HDAC4: variants seen among roughly 807,000 people sequenced by gnomAD.
The protein encoded by HDAC4 is histone deacetylase 4.
In HDAC4, 16 loss-of-function variants were observed where a neutral mutation model predicts 135.1. That is an observed-to-expected ratio of 0.12 (90% CI 0.08 to 0.18). The LOEUF is 0.18. HDAC4 is among the 10% of genes least tolerant of loss of function. The probability of loss-of-function intolerance (pLI) is 1.00; values close to 1 mark genes in which losing one functional copy is unlikely to be tolerated. For missense variants in HDAC4, 1,143 were observed against 1,511.8 expected (o/e 0.76, Z 4.05); for synonymous variants, 685 against 653.4 (o/e 1.05, Z -0.74).
At chr2:239,096,572 C>A (rs1228983646) in intron 16 of HDAC4, among the ~76,000 whole-genome samples, 2 of 49,218 alleles carry the variant, frequency 4.1e-5, no homozygotes, top group Non-Finnish European at 8.8e-5. Context: ...ACGCCTACAC[C>A]CCCCACGAAC....
chr2:239,168,738 C>T (rs908049327), intron 5 of HDAC4, among the ~76,000 whole-genome samples: 23 of 152,330 alleles, frequency 1.5e-4, no homozygotes, highest in East Asian at 3.9e-4. Flanking sequence ...TAAGAGCCCC[C>T]GAGTGGCGTC....
intron 11 of HDAC4, among the ~76,000 whole-genome samples, 157 bp downstream of exon 11, chr2:239,134,088 C>T (rs2040780606): frequency 1.3e-5 from 2 of 152,120 alleles, no homozygotes; most frequent in South Asian, 2.1e-4. Context: ...ACTGCAGTCA[C>T]GGTGGCTACA....
In HDAC4 at chr2:239,125,298, T is replaced by C. The variant is rs181221014; in HGVS notation, c.1533+1158A>G. ...CTGGTGAGGTCTGGTCGGTTAGAAGTGTGTGGCCCCTCTCCCCACCCCTTG... is the reference window on the plus strand; with the variant it reads ...CTGGTGAGGTCTGGTCGGTTAGAAGCGTGTGGCCCCTCTCCCCACCCCTTG... On this transcript the variant is annotated intron_variant, in intron 12 of 26. Coordinates refer to ENST00000543185, the MANE Select transcript of HDAC4 (RefSeq NM_001378414.1). Among the ~76,000 whole-genome samples the C allele has an allele frequency of 6.2e-4, 95 of 152,270 alleles. 1 individual carries two copies. The highest frequency in any genetic ancestry group is 3.4e-3 in the Middle Eastern group (1 of 294).
chr2:239,072,858 T>C (rs2034337849), intron 22 of HDAC4, among the ~76,000 whole-genome samples: 1 of 152,126 alleles, frequency 6.6e-6, no homozygotes, highest in South Asian at 2.1e-4. Flanking sequence ...TTTCTGGTGG[T>C]GGAGGGACAC....
intron 22 of HDAC4, among the ~76,000 whole-genome samples, chr2:239,076,972 C>A (rs527400445): frequency 2.6e-5 from 4 of 152,156 alleles, no homozygotes; most frequent in Non-Finnish European, 5.9e-5. Context: ...TCCCCTCAAT[C>A]CCATCTCACT....
At chr2:239,215,245 G>A (rs1217221503) in intron 3 of HDAC4, among the ~76,000 whole-genome samples, 1 of 152,206 alleles carries the variant, frequency 6.6e-6, no homozygotes, top group Non-Finnish European at 1.5e-5. Context: ...GGCCGGGGCG[G>A]GGGAAGGTAC....
At chr2:239,116,239 T>C (rs2039123243) in intron 12 of HDAC4, among the ~76,000 whole-genome samples, 3 of 152,198 alleles carry the variant, frequency 2.0e-5, no homozygotes, top group Admixed American at 6.5e-5. Flanking sequence ...ACTCGCTCTT[T>C]ACCTCCAGAC....
rs1232685590 is a variant in HDAC4 at position 239,139,873 on chromosome 2, C to T, written c.866-77G>A. ...CGTGCTGACCTGTGGCCCGAATGCCCGGTGCCTTCCACGGACCTGCTCGTT... is the reference window on the plus strand; with the variant it reads ...CGTGCTGACCTGTGGCCCGAATGCCTGGTGCCTTCCACGGACCTGCTCGTT... On this transcript the variant is annotated intron_variant, in intron 8 of 26. Transcript: ENST00000543185. This position sits in a 1 kb window ranked among gnomAD's most constrained non-coding sequence, Gnocchi z 5.3. The T allele has an allele frequency of 1.7e-5, 21 of 1,222,786 alleles. No homozygotes were observed. Among genetic ancestry groups the T allele is most frequent in the African/African-American group, 7.4e-5 (5 of 67,444 alleles). 75.7% of individuals were successfully genotyped at this position (1,222,786 alleles called of 1,614,324 possible). A position where few individuals can be genotyped will look rare whatever the true frequency, so the allele number is the denominator to read the frequency against.
At chr2:239,390,161 C>A (rs773601955) in intron 1 of HDAC4, among the ~76,000 whole-genome samples, 4 of 152,150 alleles carry the variant, frequency 2.6e-5, no homozygotes, top group African/African-American at 4.8e-5. Context: ...ACAAGCCAAA[C>A]AATTCCCTGA....
chr2:239,162,170 A>G, intron 6 of HDAC4: 1 of 456,096 alleles, frequency 2.2e-6, no homozygotes, highest in Non-Finnish European at 4.4e-6. Flanking sequence ...AGCCTCCCAG[A>G]CTCTGTGCTC....
intron 17 of HDAC4, chr2:239,091,569 C>T (rs1028333407): frequency 1.3e-5 from 2 of 152,182 alleles, no homozygotes; most frequent in Admixed American, 6.5e-5. Flanking sequence ...CTTCCCCAGA[C>T]CAGGCCCTCG....
chr2:239,357,890 A>AG (rs1268024935), intron 1 of HDAC4, among the ~76,000 whole-genome samples: 1 of 31,084 alleles, frequency 3.2e-5, no homozygotes, highest in Admixed American at 4.0e-4. Context: ...CTCTGTTCCA[A>AG]AAAAAAAAAA....
intron 3 of HDAC4, among the ~76,000 whole-genome samples, chr2:239,200,403 G>A (rs1333402887): frequency 2.0e-5 from 3 of 152,162 alleles, no homozygotes; most frequent in Non-Finnish European, 4.4e-5. Context: ...TAGAGACGAG[G>A]TAGAGAAAGT....
At chr2:239,200,414 A>G (rs540389547) in intron 3 of HDAC4, among the ~76,000 whole-genome samples, 1 of 152,360 alleles carries the variant, frequency 6.6e-6, no homozygotes, top group Non-Finnish European at 1.5e-5. Flanking sequence ...TAGAGAAAGT[A>G]GAAGTATTCT....
rs190924205 is a variant in HDAC4, at chr2:239,053,235, C to T, written c.3231-99G>A. The T allele has an allele frequency of 5.6e-3, 8,408 of 1,491,208 alleles. 51 individuals are homozygous for T. Among genetic ancestry groups the T allele is most frequent in the Non-Finnish European group, 5.3e-3 (5,740 of 1,082,418 alleles). 92.4% of individuals were successfully genotyped at this position (1,491,208 alleles called of 1,614,324 possible). A position where few individuals can be genotyped will look rare whatever the true frequency, so the allele number is the denominator to read the frequency against. ...GTTAAAGGCTGTGTGCTGCCCCACCCGCCAGCCTAGCCCTGGCCTGGCAGC... is the reference window on the plus strand; with the variant it reads ...GTTAAAGGCTGTGTGCTGCCCCACCTGCCAGCCTAGCCCTGGCCTGGCAGC... On this transcript the variant is annotated intron_variant, in intron 26 of 26. Coordinates refer to ENST00000543185, the MANE Select transcript of HDAC4 (RefSeq NM_001378414.1).
intron 23 of HDAC4, among the ~76,000 whole-genome samples, chr2:239,067,685 G>A (rs1369197463): frequency 1.3e-5 from 2 of 152,180 alleles, no homozygotes; most frequent in Non-Finnish European, 2.9e-5. Context: ...ACTGTGGGAG[G>A]CCCCAGGGGA....
At chr2:239,083,746 G>A (rs1325423362) in intron 20 of HDAC4, among the ~76,000 whole-genome samples, 1 of 152,200 alleles carries the variant, frequency 6.6e-6, no homozygotes, top group Non-Finnish European at 1.5e-5. Context: ...CACAGCAGCA[G>A]GAAGGCACGG....
intron 11 of HDAC4, among the ~76,000 whole-genome samples, chr2:239,129,982 C>T (rs1247179542): frequency 3.3e-5 from 5 of 152,208 alleles, no homozygotes; most frequent in Non-Finnish European, 7.3e-5. Flanking sequence ...GGTCTGCACA[C>T]ACTGGGATTC....
intron 5 of HDAC4, among the ~76,000 whole-genome samples, chr2:239,165,923 G>C (rs1369541060): frequency 6.6e-6 from 1 of 152,070 alleles, no homozygotes; most frequent in Non-Finnish European, 1.5e-5. Context: ...CTGGTGCTGG[G>C]TTTTCATTCA....
Sources: gnomAD v4.1 joint callset for allele counts (sites outside exome capture counted in the v4.1 genomes callset) on GRCh38, gnomAD v4.1.1 for gene constraint, Gnocchi (gnomAD v3.1) non-coding constraint, MANE v1.5 for transcripts, NCBI Gene and HGNC (gene_info 2026-07-23, HGNC 2026-07-21) for gene names.